The following CAMTA1 variants were observed in gnomAD, a reference collection of about 807,000 sequenced individuals.
CAMTA1 encodes the protein calmodulin-binding transcription activator 1.
CAMTA1 carries 27 observed loss-of-function variants against 170.9 expected under a neutral mutation model. The observed-to-expected ratio is 0.16, with a 90% confidence interval of 0.12 to 0.22. The LOEUF (loss-of-function observed/expected upper bound fraction) is 0.22. CAMTA1 is among the 10% of genes least tolerant of loss of function. The probability of loss-of-function intolerance (pLI) is 1.00; values close to 1 mark genes in which losing one functional copy is unlikely to be tolerated. For synonymous variants in CAMTA1, 833 were observed against 891.5 expected (o/e 0.93, Z 1.17); for missense variants, 1,619 against 2,217.2 (o/e 0.73, Z 5.42).
chr1:6,968,295 G>T (rs1691917219), intron 3 of CAMTA1, among the ~76,000 whole-genome samples: 1 of 152,156 alleles, frequency 6.6e-6, no homozygotes, highest in Non-Finnish European at 1.5e-5. Context: ...CGCTCTTTCT[G>T]TGCTGGGACA....
chr1:7,761,038 T>A (rs1419737040), intron 22 of CAMTA1, among the ~76,000 whole-genome samples: 1 of 152,236 alleles, frequency 6.6e-6, no homozygotes, highest in Non-Finnish European at 1.5e-5. Context: ...GGGCTTTTGC[T>A]GGCTTTCAGT....
intron 6 of CAMTA1, among the ~76,000 whole-genome samples, chr1:7,498,253 A>AGT (rs60811924): frequency 0.17 from 23,124 of 139,642 alleles, 2,453 homozygotes; most frequent in East Asian, 0.39. Context: ...TGTGTGGGAG[A>AGT]GTGTATGAGA....
chr1:7,335,664 G>A (rs1178431617), intron 5 of CAMTA1, among the ~76,000 whole-genome samples: 2 of 152,100 alleles, frequency 1.3e-5, no homozygotes, highest in Non-Finnish European at 2.9e-5. Flanking sequence ...CAGAGAGGAT[G>A]GGCAAATAGC....
intron 4 of CAMTA1, among the ~76,000 whole-genome samples, chr1:7,189,833 G>C (rs1346045352): frequency 2.6e-5 from 4 of 152,202 alleles, no homozygotes; most frequent in African/African-American, 9.7e-5. Context: ...TCACACTCAT[G>C]TTTATAGCAG....
At chr1:7,082,420 G>A (rs564439504) in intron 3 of CAMTA1, among the ~76,000 whole-genome samples, 2 of 150,278 alleles carry the variant, frequency 1.3e-5, no homozygotes, top group South Asian at 2.1e-4. Context: ...CCCAGGTGAC[G>A]GAGCAAGACT....
rs577410829 is a variant in CAMTA1 at position 7,186,725 on chromosome 1, T to A, written c.303-62766T>A. Among the ~76,000 whole-genome samples, 3 of 152,328 alleles carry A rather than the reference T, an allele frequency of 2.0e-5. No homozygotes were observed. The South Asian group carries it at 6.2e-4, about 32-fold the overall frequency. On this transcript the variant is annotated intron_variant, in intron 4 of 22. Transcript: ENST00000303635. ...ATTCATTATTTAATTTATTCACGCA[T>A]TAACATCTTTATTGAAAACTATGTG...
chr1:7,718,937 C>A (rs2096631711), intron 11 of CAMTA1, among the ~76,000 whole-genome samples: 1 of 147,874 alleles, frequency 6.8e-6, no homozygotes, highest in Non-Finnish European at 1.5e-5. Flanking sequence ...ACTAGTCTTA[C>A]TTTAGAATGT....
chr1:6,998,756 TAATC>T (rs778592436), intron 3 of CAMTA1, among the ~76,000 whole-genome samples: 4 of 152,242 alleles, frequency 2.6e-5, no homozygotes, highest in African/African-American at 9.6e-5. Flanking sequence ...TTTGCAAAAT[TAATC>T]AATAATTATA....
chr1:7,486,052 A>G lies in CAMTA1; in HGVS notation c.510+18151A>G, dbSNP rs182813490. Among the ~76,000 whole-genome samples the G allele has an allele frequency of 1.1e-4, 16 of 152,342 alleles. No individual in the cohort carries two copies. The East Asian group carries it at 3.1e-3, about 29-fold the overall frequency. Reference sequence around the variant, plus strand: ...CAGACCATGCTTTCCCAGCTCCAGAAGTGACGTTTGCATATAACTGCTGTT... The same window carrying G: ...CAGACCATGCTTTCCCAGCTCCAGAGGTGACGTTTGCATATAACTGCTGTT... On this transcript the variant is annotated intron_variant, in intron 6 of 22. Transcript: ENST00000303635.
intron 3 of CAMTA1, among the ~76,000 whole-genome samples, chr1:6,992,023 G>C (rs1696463988): frequency 1.3e-5 from 2 of 149,962 alleles, no homozygotes; most frequent in African/African-American, 4.9e-5. Context: ...TTATAATGGT[G>C]TTTCTTTATG....
At chr1:6,932,643 C>T (rs757375726) in intron 3 of CAMTA1, among the ~76,000 whole-genome samples, 4 of 152,168 alleles carry the variant, frequency 2.6e-5, no homozygotes, top group Non-Finnish European at 5.9e-5. Flanking sequence ...TCTCTACATC[C>T]GCGCCAACCC....
At position 7,319,850 on chromosome 1, in the gene CAMTA1, A is replaced by G. The variant is rs180730088; in HGVS notation, c.438+70224A>G. On this transcript the variant is annotated intron_variant, in intron 5 of 22. Coordinates refer to ENST00000303635, the MANE Select transcript of CAMTA1 (RefSeq NM_015215.4). ...CCAAAGAGTGGATGTTTTTGATGCT[A>G]TACTAAATCATTTTTTTTTTCCTTG... 2.8e-3 allele frequency among the ~76,000 whole-genome samples: 418 copies of G among 147,486 alleles called. 7 individuals carry two copies. The highest frequency in any genetic ancestry group is 1.4e-3 in the Non-Finnish European group (91 of 65,514).
intron 7 of CAMTA1, among the ~76,000 whole-genome samples, chr1:7,653,230 G>A (rs1272352875): frequency 2.0e-5 from 3 of 152,182 alleles, no homozygotes; most frequent in South Asian, 2.1e-4. Flanking sequence ...CACAGCAGAG[G>A]CTCAGTGGAG....
intron 5 of CAMTA1, among the ~76,000 whole-genome samples, chr1:7,398,412 T>C (rs528004054): frequency 6.6e-6 from 1 of 151,680 alleles, no homozygotes; most frequent in South Asian, 2.1e-4. Flanking sequence ...CTGCACTCTT[T>C]TATTTTCCAT....
chr1:6,851,580 T>C (rs1247439461), intron 3 of CAMTA1, among the ~76,000 whole-genome samples: 1 of 152,194 alleles, frequency 6.6e-6, no homozygotes, highest in African/African-American at 2.4e-5. Flanking sequence ...AAGGAGAACA[T>C]TTTAATAGTA....
In CAMTA1 at chr1:7,033,588, CTTTTTT is replaced by C. The variant is rs34282545; in HGVS notation, c.235-57699_235-57694del. On this transcript the variant is annotated intron_variant, in intron 3 of 22. Coordinates refer to ENST00000303635, the MANE Select transcript of CAMTA1 (RefSeq NM_015215.4). The stretch of plus-strand genomic sequence containing the variant: ...GTACATGTTTATTCTTGTAAATATT[CTTTTTT>C]TTTTTTTTTTTTTTTTGATACAGAG... 4.6e-3 allele frequency among the ~76,000 whole-genome samples: 434 copies of C among 95,138 alleles called. 4 individuals carry two copies. The highest frequency in any genetic ancestry group is 0.016 in the African/African-American group (401 of 24,514). 62.4% of individuals were successfully genotyped at this position (95,138 alleles called of 152,430 possible).
At chr1:6,948,298 C>T (rs191950712) in intron 3 of CAMTA1, among the ~76,000 whole-genome samples, 7 of 152,280 alleles carry the variant, frequency 4.6e-5, no homozygotes, top group Non-Finnish European at 1.0e-4. Flanking sequence ...GAGGTACCAG[C>T]CAACCTGGTG....
intron 5 of CAMTA1, among the ~76,000 whole-genome samples, chr1:7,410,929 C>CTG (rs1365284392): frequency 1.4e-5 from 2 of 147,722 alleles, no homozygotes; most frequent in African/African-American, 5.0e-5. Flanking sequence ...GTGTGTATGT[C>CTG]TGTGTGTATG....
At chr1:6,994,983 C>G (rs1389937717) in intron 3 of CAMTA1, among the ~76,000 whole-genome samples, 1 of 152,134 alleles carries the variant, frequency 6.6e-6, no homozygotes, top group Non-Finnish European at 1.5e-5. Context: ...CTTCTTGATT[C>G]TGAAAATCTA....
Sources: gnomAD v4.1 joint callset for allele counts (sites outside exome capture counted in the v4.1 genomes callset) on GRCh38, gnomAD v4.1.1 for gene constraint, MANE v1.5 for transcripts, NCBI Gene and HGNC (gene_info 2026-07-23, HGNC 2026-07-21) for gene names.